Variants in TLCD5 observed in about 807,000 individuals in gnomAD.
TLCD5 encodes TLC domain-containing protein 5.
TLCD5 carries 15 observed loss-of-function variants against 20.5 expected under a neutral mutation model. The ratio of observed to expected loss-of-function variants is 0.73; its 90% confidence interval spans 0.49 to 1.13. The LOEUF is 1.13. Ranked by LOEUF, TLCD5 falls within the 50% of genes most tolerant of loss-of-function variation. The probability of loss-of-function intolerance (pLI) is 0.00; values close to 1 mark genes in which losing one functional copy is unlikely to be tolerated. For missense variants in TLCD5, 289 were observed against 305.6 expected (o/e 0.95, Z 0.41); for synonymous variants, 107 against 114.7 (o/e 0.93, Z 0.43).
intron 2 of TLCD5, among the ~76,000 whole-genome samples, chr11:120,328,713 T>TGTGTGTG (rs1942061936): frequency 1.3e-5 from 1 of 75,618 alleles, no homozygotes; most frequent in African/African-American, 6.4e-5. Context: ...GTGTGTATGT[T>TGTGTGTG]TATGTATGCA....
At chr11:120,325,446 G>A (rs1941971137) in intron 1 of TLCD5, 78 bp downstream of exon 1, 1 of 151,940 alleles carries the variant, frequency 6.6e-6, no homozygotes, top group Non-Finnish European at 1.5e-5. Context: ...GGAGGCGGCA[G>A]AGGGCCCGGG....
At position 120,327,656 on chromosome 11, in the gene TLCD5, T is replaced by C; in HGVS notation, c.199+16T>C. 6.2e-7 allele frequency: 1 copy of C among 1,606,908 alleles called. No homozygotes were observed. The highest frequency in any genetic ancestry group is 8.5e-7 in the Non-Finnish European group (1 of 1,176,720). ...ACCCACCCAGGTAGGTAGGGGATTT[T>C]CCCTTAGGGATTTATGATTTGGGGG... On this transcript the variant is annotated intron_variant, in intron 2 of 2. Coordinates refer to ENST00000375095, the MANE Select transcript of TLCD5 (RefSeq NM_001198671.2).
intron 1 of TLCD5, chr11:120,327,230 G>C: frequency 1.2e-6 from 1 of 829,680 alleles, no homozygotes. Flanking sequence ...ACATTGACCA[G>C]TTGCTAACAT....
intron 2 of TLCD5, among the ~76,000 whole-genome samples, chr11:120,329,279 G>A (rs1469677310): frequency 6.6e-6 from 1 of 152,138 alleles, no homozygotes; most frequent in Non-Finnish European, 1.5e-5. Flanking sequence ...GGGGAGGGAG[G>A]ACACAATGCA....
intron 1 of TLCD5, among the ~76,000 whole-genome samples, chr11:120,326,543 G>C (rs568349982): frequency 6.6e-6 from 1 of 152,144 alleles, no homozygotes; most frequent in African/African-American, 2.4e-5. Context: ...CTTTTTATTT[G>C]TACGTTTCAA....
At chr11:120,328,584 A>G (rs1942052977) in intron 2 of TLCD5, among the ~76,000 whole-genome samples, 1 of 117,386 alleles carries the variant, frequency 8.5e-6, no homozygotes, top group African/African-American at 3.1e-5. Flanking sequence ...GTGTCCTTCC[A>G]TGGTCTCCCC....
In TLCD5 at chr11:120,330,095, C is replaced by T; in HGVS notation, c.318C>T (p.His106=). ...QSEGALMLAH[H]TLSILGIIMA... is the part of the protein sequence containing the mutation. ...AGGGTGCCTTGATGCTGGCTCATCA[C>T]ACATTGAGTATCTTGGGCATTATCA... The change falls in exon 3 of 3, where the codon CAC becomes CAT. Residue 106 remains histidine (H), a synonymous_variant. Coordinates refer to ENST00000375095, the MANE Select transcript of TLCD5 (RefSeq NM_001198671.2). 1 of 1,614,176 alleles carries T rather than the reference C, an allele frequency of 6.2e-7. No individual in the cohort carries two copies. The highest frequency in any genetic ancestry group is 8.5e-7 in the Non-Finnish European group (1 of 1,180,030).
intron 1 of TLCD5, among the ~76,000 whole-genome samples, chr11:120,325,681 C>G (rs533312051): frequency 1.3e-5 from 2 of 152,198 alleles, no homozygotes. Context: ...CAAGGCTCCT[C>G]CTCGCCAGTC....
In TLCD5 at chr11:120,330,685, C is replaced by A; in HGVS notation, c.*170C>A. On this transcript the variant is annotated 3_prime_UTR_variant, in exon 3 of 3. Coordinates refer to ENST00000375095, the MANE Select transcript of TLCD5 (RefSeq NM_001198671.2). ...CCGAGCATATACCAGTATTAAAACA[C>A]TAACTTCTACAGTAGCACAGTTGTA... 1 of 682,838 alleles carries A rather than the reference C, an allele frequency of 1.5e-6. No homozygotes were observed. The highest frequency in any genetic ancestry group is 2.4e-6 in the Non-Finnish European group (1 of 421,754). 42.3% of individuals were successfully genotyped at this position (682,838 alleles called of 1,614,324 possible).
chr11:120,329,354 A>G (rs1440483957), intron 2 of TLCD5, among the ~76,000 whole-genome samples: 6 of 152,130 alleles, frequency 3.9e-5, no homozygotes, highest in Non-Finnish European at 1.5e-5. Context: ...TGAATTTCTG[A>G]GTTTCCCCCC....
rs764486026 is a variant in TLCD5 at position 120,330,257 on chromosome 11, G to A, written c.480G>A (p.Val160=). 2.8e-5 allele frequency: 44 copies of A among 1,553,118 alleles called. No homozygotes were observed. In the African/African-American group the frequency reaches 5.2e-4, roughly 18 times the overall value. ...ATCACAGTTTCACTGGAGATGTAGT[G>A]GACTTCCTCTTTGTGGCTCTGTTCA... ...GHYHSFTGDV[V]DFLFVALFTG... Residue 160 remains valine (V), a synonymous_variant, in exon 3 of 3, where the codon GTG becomes GTA. Coordinates refer to ENST00000375095, the MANE Select transcript of TLCD5 (RefSeq NM_001198671.2).
In TLCD5 at chr11:120,330,224, A is replaced by C. The variant is rs550343791; in HGVS notation, c.447A>C (p.Thr149=). The C allele has an allele frequency of 1.3e-6, 2 of 1,555,510 alleles. No homozygotes were observed. The highest frequency in any genetic ancestry group is 2.7e-5 in the African/African-American group (2 of 73,634). The part of the protein sequence containing the change: ...LLQMRWFLRE[T]GHYHSFTGDV... ...AGATGCGCTGGTTTCTCCGGGAAAC[A>C]GGGCACTATCACAGTTTCACTGGAG... The change falls in exon 3 of 3, where the codon ACA becomes ACC. Residue 149 remains threonine (T), a synonymous_variant. Coordinates refer to ENST00000375095, the MANE Select transcript of TLCD5 (RefSeq NM_001198671.2).
Position 120,330,542 on chromosome 11 carries a change from G to A in TLCD5, c.*27G>A. 6.3e-7 allele frequency: 1 copy of A among 1,579,648 alleles called. No individual in the cohort carries two copies. The highest frequency in any genetic ancestry group is 8.6e-7 in the Non-Finnish European group (1 of 1,162,182). ...CAAGGCTTGCTCCAGATTATGGATTGGGTTAAGTCAGCCATGGGAACCAGG... is the reference window on the plus strand; with the variant it reads ...CAAGGCTTGCTCCAGATTATGGATTAGGTTAAGTCAGCCATGGGAACCAGG... On this transcript the variant is annotated 3_prime_UTR_variant, in exon 3 of 3. Transcript: ENST00000375095.
At position 120,331,619 on chromosome 11, in the gene TLCD5, A is replaced by G. The variant is rs1237695408; in HGVS notation, c.*1104A>G. The G allele has an allele frequency of 6.6e-6, 1 of 152,250 alleles. No individual in the cohort carries two copies. Among genetic ancestry groups the G allele is most frequent in the Admixed American group, 6.5e-5 (1 of 15,276 alleles). The allele number at this position is 152,250 out of a possible 1,614,324, so 9.4% of individuals were successfully genotyped here. A position where few individuals can be genotyped will look rare whatever the true frequency, so the allele number is the denominator to read the frequency against. The stretch of plus-strand genomic sequence containing the variant: ...CCAACCCTGTAATCAGGCCTCTCCA[A>G]GGATAGCAGTTTAGGCCTGCTATGT... On this transcript the variant is annotated 3_prime_UTR_variant, in exon 3 of 3. Coordinates refer to ENST00000375095, the MANE Select transcript of TLCD5 (RefSeq NM_001198671.2). This position sits in a 1 kb window ranked among gnomAD's most constrained non-coding sequence, Gnocchi z 4.5.
chr11:120,330,160 C>A lies in TLCD5; in HGVS notation c.383C>A (p.Ala128Glu), dbSNP rs1187775108. The stretch of plus-strand genomic sequence containing the variant: ...GGGGAGTCTGGCACAGAGGTCAATG[C>A]AGTCCTCTTTGGAAGTGAGCTTACC... ...VLGESGTEVN[A>E]VLFGSELTNP... is the part of the protein sequence containing the mutation. Residue 128 changes from alanine to glutamate, a missense_variant, in exon 3 of 3, where the codon GCA becomes GAA. Ala to Glu is a moderately radical substitution (Grantham distance 107, BLOSUM62 -1). Coordinates refer to ENST00000375095, the MANE Select transcript of TLCD5 (RefSeq NM_001198671.2). 6.2e-7 allele frequency: 1 copy of A among 1,604,026 alleles called. No individual in the cohort carries two copies. The highest frequency in any genetic ancestry group is 1.3e-5 in the African/African-American group (1 of 74,856).
intron 1 of TLCD5, among the ~76,000 whole-genome samples, 172 bp downstream of exon 1, chr11:120,325,540 G>A (rs945962568): frequency 5.3e-5 from 8 of 152,078 alleles, no homozygotes; most frequent in Non-Finnish European, 8.8e-5. Context: ...AGCGGGATGC[G>A]GGGATAACGG....
Position 120,330,293 on chromosome 11 carries a change from G to A in TLCD5, c.516G>A (p.Arg172=), listed in dbSNP as rs756130114. The A allele has an allele frequency of 1.5e-5, 24 of 1,564,876 alleles. No homozygotes were observed. In the South Asian group the frequency reaches 2.6e-4, roughly 17 times the overall value. ...TTGTGGCTCTGTTCACAGGAGTGAG[G>A]ATTGGTGTGGGAGCTTGCCTCCTTT... The part of the protein sequence containing the change: ...FLFVALFTGV[R]IGVGACLLFC... The change falls in exon 3 of 3, where the codon AGG becomes AGA. Residue 172 remains arginine, a synonymous_variant. Coordinates refer to ENST00000375095, the MANE Select transcript of TLCD5 (RefSeq NM_001198671.2).
At chr11:120,328,333 G>A (rs1318711430) in intron 2 of TLCD5, among the ~76,000 whole-genome samples, 8 of 152,018 alleles carry the variant, frequency 5.3e-5, no homozygotes, top group Non-Finnish European at 7.4e-5. Context: ...CACCCGCCTT[G>A]GCCTCCCAAA....
chr11:120,333,610 A>T lies in TLCD5; in HGVS notation c.*3095A>T, dbSNP rs1319480345. 1 of 152,222 alleles carries T rather than the reference A, an allele frequency of 6.6e-6. No homozygotes were observed. The highest frequency in any genetic ancestry group is 1.9e-4 in the East Asian group (1 of 5,202). 9.4% of individuals were successfully genotyped at this position (152,222 alleles called of 1,614,324 possible). ...GGATTACTGTGTAATGATAACGAAC[A>T]CTGTTCAAGAACGATTTATATTTCC... On this transcript the variant is annotated 3_prime_UTR_variant, in exon 3 of 3. Transcript: ENST00000375095. This position sits in a 1 kb window ranked among gnomAD's most constrained non-coding sequence, Gnocchi z 4.5.
Sources: allele counts gnomAD v4.1 joint callset (sites outside exome capture counted in the v4.1 genomes callset), GRCh38; gene constraint gnomAD v4.1.1; non-coding constraint Gnocchi (gnomAD v3.1); transcripts MANE v1.5; gene names NCBI Gene and HGNC (gene_info 2026-07-23, HGNC 2026-07-21).